The following DMXL1 variants were observed in gnomAD, a reference collection of about 807,000 sequenced individuals.
The protein encoded by DMXL1 is Dmx like 1, also known as dmX-like protein 1.
A neutral mutation model predicts 319.2 loss-of-function variants in DMXL1; 99 were observed. That is an observed-to-expected ratio of 0.31 (90% CI 0.26 to 0.37). The LOEUF is 0.37. DMXL1 is among the 10% of genes least tolerant of loss of function. The probability of loss-of-function intolerance (pLI) is 1.00; values close to 1 mark genes in which losing one functional copy is unlikely to be tolerated. For missense variants in DMXL1, 3,745 were observed against 3,595.6 expected, an observed-to-expected ratio of 1.04 and a Z score of -1.06; for synonymous variants, 1,385 against 1,235.2, an observed-to-expected ratio of 1.12 and a Z score of -2.54.
At chr5:119,179,586 A>G (rs985198932) in intron 28 of DMXL1, among the ~76,000 whole-genome samples, 1 of 152,224 alleles carries the variant, frequency 6.6e-6, no homozygotes, top group African/African-American at 2.4e-5. Flanking sequence ...GAATGAAGCT[A>G]TATTAAAAAG....
At chr5:119,122,320 C>G (rs1237217005) in intron 9 of DMXL1, among the ~76,000 whole-genome samples, 1 of 148,342 alleles carries the variant, frequency 6.7e-6, no homozygotes, top group Non-Finnish European at 1.5e-5. Context: ...GGGCTGACCC[C>G]CCCACCTCCC....
chr5:119,196,949 T>C (rs1314413410), intron 31 of DMXL1, among the ~76,000 whole-genome samples: 1 of 152,192 alleles, frequency 6.6e-6, no homozygotes, highest in Non-Finnish European at 1.5e-5. Flanking sequence ...GAGGAGTTTA[T>C]TCTCATTATG....
intron 43 of DMXL1, among the ~76,000 whole-genome samples, chr5:119,245,208 C>T (rs1789522415): frequency 6.6e-6 from 1 of 152,080 alleles, no homozygotes; most frequent in African/African-American, 2.4e-5. Flanking sequence ...AATGGAGGGT[C>T]TTTTGGCCCT....
At position 119,247,450 on chromosome 5, in the gene DMXL1, T is replaced by C; in HGVS notation, c.*231T>C. On this transcript the variant is annotated 3_prime_UTR_variant, in exon 44 of 44. Coordinates refer to ENST00000539542, the MANE Select transcript of DMXL1 (RefSeq NM_001290321.3). ...GTAAGTAATGCTGTAATAATACATA[T>C]CATAGTATATTATAATCAGTATGTC... 3 of 377,676 alleles carry C rather than the reference T, an allele frequency of 7.9e-6. No homozygotes were observed. The South Asian group carries it at 1.2e-4, about 16-fold the overall frequency. The allele number at this position is 377,676 out of a possible 1,614,324, so 23.4% of individuals were successfully genotyped here.
intron 35 of DMXL1, among the ~76,000 whole-genome samples, chr5:119,219,382 A>G (rs1320282920): frequency 6.6e-6 from 1 of 152,170 alleles, no homozygotes; most frequent in Non-Finnish European, 1.5e-5. Context: ...AGAATTTGGG[A>G]TACCCATGGA....
chr5:119,132,674 CAAAAAA>C, intron 10 of DMXL1: 2 of 331,976 alleles, frequency 6.0e-6, no homozygotes, highest in Non-Finnish European at 5.7e-6. Flanking sequence ...GACTCCGTCT[CAAAAAA>C]AAAAAAAAAA....
At position 119,149,358 on chromosome 5, in the gene DMXL1, T is replaced by G. The variant is rs770280021; in HGVS notation, c.3531T>G (p.Gly1177=). 1.9e-6 allele frequency: 3 copies of G among 1,613,964 alleles called. No individual in the cohort carries two copies. The South Asian group carries it at 3.3e-5, about 18-fold the overall frequency. The stretch of plus-strand genomic sequence containing the variant: ...CTGGCAAGGTACAAGACCAAACTGG[T>G]AAGGAAACCCTGGCATTTCCTCTCT... ...PLAGKVQDQT[G]KETLAFPLWE... is the part of the protein sequence containing the mutation. The change falls in exon 18 of 44, where the codon GGT becomes GGG. Residue 1177 remains glycine, a synonymous_variant. Coordinates refer to ENST00000539542, the MANE Select transcript of DMXL1 (RefSeq NM_001290321.3).
chr5:119,146,312 G>T (rs892921372), intron 15 of DMXL1, among the ~76,000 whole-genome samples: 15 of 151,836 alleles, frequency 9.9e-5, no homozygotes, highest in African/African-American at 3.4e-4. Flanking sequence ...TTTTTCTGAT[G>T]TATTTTAAAA....
intron 42 of DMXL1, among the ~76,000 whole-genome samples, chr5:119,242,587 T>C (rs1343599175): frequency 6.6e-6 from 1 of 152,210 alleles, no homozygotes; most frequent in Non-Finnish European, 1.5e-5. Flanking sequence ...TCCAGCATGC[T>C]ACTTTGCAGA....
At chr5:119,234,256 C>T (rs112543174) in intron 39 of DMXL1, among the ~76,000 whole-genome samples, 2,338 of 152,210 alleles carry the variant, frequency 0.015, 50 homozygotes, top group African/African-American at 0.047. Flanking sequence ...AGAGGCAGTG[C>T]ACCCACAGCC....
intron 32 of DMXL1, among the ~76,000 whole-genome samples, chr5:119,202,885 T>TATATATATATATATATATATATTTATA (rs1554139437): frequency 9.2e-5 from 12 of 130,768 alleles, no homozygotes; most frequent in East Asian, 4.3e-4. Context: ...ATATATATTT[T>TATATATATATATATATATATATTTATA]TATATATATA....
At chr5:119,171,673 AT>A (rs1774596501) in intron 24 of DMXL1, 104 bp from the exon 25 acceptor site, 1 of 867,590 alleles carries the variant, frequency 1.2e-6, no homozygotes, top group East Asian at 2.8e-5. Flanking sequence ...TTATGCTTTT[AT>A]TTTTTAATTG....
intron 6 of DMXL1, among the ~76,000 whole-genome samples, chr5:119,115,212 A>G (rs938414842): frequency 2.1e-4 from 32 of 152,328 alleles, no homozygotes; most frequent in Admixed American, 2.0e-3. Context: ...TGCAGTATAG[A>G]GTGACCGGCA....
intron 4 of DMXL1, among the ~76,000 whole-genome samples, chr5:119,109,582 T>G (rs1759128732): frequency 6.6e-6 from 1 of 152,238 alleles, no homozygotes; most frequent in Non-Finnish European, 1.5e-5. Context: ...CGTTAACCTA[T>G]ACCAGATTAA....
chr5:119,189,653 GA>G, intron 28 of DMXL1, 54 bp from the exon 29 acceptor site: 2 of 1,534,250 alleles, frequency 1.3e-6, no homozygotes, highest in Non-Finnish European at 1.8e-6. Context: ...AAACACAGGT[GA>G]AATAAATGCA....
chr5:119,207,249 G>A (rs1222436883), intron 34 of DMXL1, among the ~76,000 whole-genome samples: 1 of 151,620 alleles, frequency 6.6e-6, no homozygotes, highest in Non-Finnish European at 1.5e-5. Flanking sequence ...TTCAAATTAG[G>A]AATTAATGAT....
chr5:119,243,626 G>T (rs903178902), intron 42 of DMXL1, among the ~76,000 whole-genome samples: 2 of 151,988 alleles, frequency 1.3e-5, no homozygotes, highest in Non-Finnish European at 2.9e-5. Context: ...GGCTTAATCT[G>T]CTGTTAATCC....
intron 40 of DMXL1, among the ~76,000 whole-genome samples, chr5:119,238,371 T>G (rs902975650): frequency 6.6e-6 from 1 of 152,130 alleles, no homozygotes; most frequent in Non-Finnish European, 1.5e-5. Flanking sequence ...TAAAACATAA[T>G]TTTGAAGCTT....
chr5:119,159,167 T>C (rs180684148), intron 19 of DMXL1, among the ~76,000 whole-genome samples: 49 of 152,212 alleles, frequency 3.2e-4, no homozygotes, highest in African/African-American at 1.1e-3. Context: ...GTCTCGCTTC[T>C]GTCACCCAAC....
Sources: allele counts gnomAD v4.1 joint callset (sites outside exome capture counted in the v4.1 genomes callset), GRCh38; gene constraint gnomAD v4.1.1; transcripts MANE v1.5; gene names NCBI Gene and HGNC (gene_info 2026-07-23, HGNC 2026-07-21).